CTIF: variants seen among roughly 807,000 people sequenced by gnomAD.
CTIF encodes CBP80/20-dependent translation initiation factor.
Under a neutral mutation model 66.0 loss-of-function variants are expected in CTIF, and 21 were observed. The observed-to-expected ratio is 0.32, with a 90% confidence interval of 0.23 to 0.46. The LOEUF (loss-of-function observed/expected upper bound fraction) is 0.46. Among genes scored for constraint, CTIF ranks in the 20% least tolerant of loss-of-function variants. The pLI, the probability that CTIF is intolerant of heterozygous loss-of-function variation, is 1.00. For synonymous variants in CTIF, 345 were observed against 326.4 expected (o/e 1.06, Z -0.62); for missense variants, 739 against 812.7 (o/e 0.91, Z 1.10).
intron 9 of CTIF, among the ~76,000 whole-genome samples, chr18:48,771,441 T>A (rs1449145796): frequency 2.6e-5 from 4 of 152,196 alleles, no homozygotes; most frequent in African/African-American, 9.7e-5. Flanking sequence ...GGGAATGGCC[T>A]GGGGTTTTCT....
chr18:48,581,186 A>G (rs553950226), intron 1 of CTIF, among the ~76,000 whole-genome samples: 1 of 151,958 alleles, frequency 6.6e-6, no homozygotes, highest in African/African-American at 2.4e-5. Context: ...GCAGGGGCTG[A>G]TGACTGAGTT....
intron 6 of CTIF, among the ~76,000 whole-genome samples, chr18:48,702,348 C>T (rs1008237145): frequency 2.6e-5 from 4 of 152,200 alleles, no homozygotes; most frequent in African/African-American, 7.2e-5. Context: ...GTCATAGGCT[C>T]TCACCCACAA....
At chr18:48,753,268 A>G (rs1195032145) in intron 7 of CTIF, among the ~76,000 whole-genome samples, 1 of 152,266 alleles carries the variant, frequency 6.6e-6, no homozygotes, top group African/African-American at 2.4e-5. Flanking sequence ...CCTACAAATT[A>G]TGTGGTAAAA....
chr18:48,605,244 T>C (rs981333936), intron 1 of CTIF, among the ~76,000 whole-genome samples: 2 of 152,230 alleles, frequency 1.3e-5, no homozygotes, highest in Non-Finnish European at 2.9e-5. Context: ...GACATTCCCA[T>C]GAGCAGTGTT....
At chr18:48,553,665 T>A (rs1430065515) in intron 1 of CTIF, among the ~76,000 whole-genome samples, 1 of 140,208 alleles carries the variant, frequency 7.1e-6, no homozygotes, top group Non-Finnish European at 1.5e-5. Flanking sequence ...TTTTCCTTTT[T>A]TTTTTTTTTG....
At chr18:48,730,257 G>A (rs966903395) in intron 7 of CTIF, among the ~76,000 whole-genome samples, 2 of 148,812 alleles carry the variant, frequency 1.3e-5, no homozygotes, top group Non-Finnish European at 3.0e-5. Context: ...GGTGTGAGGG[G>A]CCCCCGCAGT....
At chr18:48,688,335 A>T (rs1414709463) in intron 6 of CTIF, 1 of 152,244 alleles carries the variant, frequency 6.6e-6, no homozygotes, top group Non-Finnish European at 1.5e-5. Context: ...GATGTGGAGG[A>T]TAAAGCTGGG....
intron 10 of CTIF, among the ~76,000 whole-genome samples, chr18:48,852,925 T>A (rs1342435247): frequency 6.6e-6 from 1 of 152,184 alleles, no homozygotes; most frequent in Non-Finnish European, 1.5e-5. Context: ...GACGCATCGA[T>A]AATAATTCTG....
chr18:48,619,494 C>A, intron 1 of CTIF, 44 bp from the exon 2 acceptor site: 1 of 1,301,140 alleles, frequency 7.7e-7, no homozygotes, highest in Non-Finnish European at 1.0e-6. Context: ...TCGTCGTCTC[C>A]TCCAGCAGCG....
At chr18:48,642,461 G>A (rs1355441040) in intron 3 of CTIF, among the ~76,000 whole-genome samples, 1 of 152,136 alleles carries the variant, frequency 6.6e-6, no homozygotes, top group Non-Finnish European at 1.5e-5. Flanking sequence ...GTTGAGTAGG[G>A]CACAGTGTTG....
chr18:48,827,250 C>A (rs1369365217), intron 10 of CTIF, among the ~76,000 whole-genome samples: 1 of 152,230 alleles, frequency 6.6e-6, no homozygotes, highest in Non-Finnish European at 1.5e-5. Context: ...AAAAATGCTA[C>A]TTCCTTATTA....
intron 2 of CTIF, among the ~76,000 whole-genome samples, chr18:48,630,235 C>T (rs1237707383): frequency 6.8e-6 from 1 of 146,328 alleles, no homozygotes; most frequent in Non-Finnish European, 1.5e-5. Context: ...AGATGTAGGG[C>T]TTTTTACCAC....
At chr18:48,693,180 C>A (rs983963390) in intron 6 of CTIF, among the ~76,000 whole-genome samples, 2 of 152,154 alleles carry the variant, frequency 1.3e-5, no homozygotes, top group South Asian at 4.1e-4. Context: ...GAAATCTACC[C>A]GGTGCCAGCA....
intron 7 of CTIF, among the ~76,000 whole-genome samples, chr18:48,729,207 A>G (rs902094033): frequency 5.9e-5 from 9 of 151,832 alleles, no homozygotes; most frequent in African/African-American, 2.2e-4. Context: ...CACCCCTCTT[A>G]CCCAGGGGGT....
chr18:48,859,508 G>C lies in CTIF; in HGVS notation c.1746G>C (p.Thr582=). 6.2e-7 allele frequency: 1 copy of C among 1,614,118 alleles called. No homozygotes were observed. Among genetic ancestry groups the C allele is most frequent in the African/African-American group, 1.3e-5 (1 of 75,032 alleles). ...ELHANSWNPL[T]PPITQYYNRT... Reference sequence around the variant, plus strand: ...ACGCTAACAGCTGGAACCCTCTGACGCCCCCCATCACGCAGTACTACAACA... The same window carrying C: ...ACGCTAACAGCTGGAACCCTCTGACCCCCCCCATCACGCAGTACTACAACA... The change falls in exon 12 of 12, where the codon ACG becomes ACC. Residue 582 remains threonine (T), a synonymous_variant. Coordinates refer to ENST00000256413, the MANE Select transcript of CTIF (RefSeq NM_014772.3).
chr18:48,856,903 T>A (rs963565187), intron 10 of CTIF, among the ~76,000 whole-genome samples: 1 of 152,234 alleles, frequency 6.6e-6, no homozygotes, highest in African/African-American at 2.4e-5. Context: ...GATTTTGTGT[T>A]ATGTGAATGG....
At chr18:48,593,989 A>G (rs1599206527) in intron 1 of CTIF, among the ~76,000 whole-genome samples, 1 of 152,248 alleles carries the variant, frequency 6.6e-6, no homozygotes, top group East Asian at 1.9e-4. Context: ...GTTTCCTATC[A>G]ACCAGATGAC....
chr18:48,616,244 C>T (rs996773487), intron 1 of CTIF, among the ~76,000 whole-genome samples: 3 of 152,250 alleles, frequency 2.0e-5, no homozygotes, highest in African/African-American at 7.2e-5. Context: ...TGTGTATTGA[C>T]TTCTCCTGCA....
intron 7 of CTIF, among the ~76,000 whole-genome samples, chr18:48,753,032 G>T (rs576306648): frequency 3.9e-5 from 6 of 152,320 alleles, no homozygotes; most frequent in Admixed American, 3.9e-4. Context: ...CAGAGAAATT[G>T]TTGGTGCCTG....
Sources: gnomAD v4.1 joint callset for allele counts (sites outside exome capture counted in the v4.1 genomes callset) on GRCh38, gnomAD v4.1.1 for gene constraint, MANE v1.5 for transcripts, NCBI Gene and HGNC (gene_info 2026-07-23, HGNC 2026-07-21) for gene names.